NUP214: variants seen among roughly 807,000 people sequenced by gnomAD.
The protein encoded by NUP214 is nucleoporin 214.
Under a neutral mutation model 196.2 loss-of-function variants are expected in NUP214, and 79 were observed. That is an observed-to-expected ratio of 0.40 (90% CI 0.34 to 0.49). NUP214 has a LOEUF of 0.49. NUP214 is among the 20% of genes least tolerant of loss of function. The pLI is 0.58. For synonymous variants in NUP214, 1,020 were observed against 990.5 expected, an observed-to-expected ratio of 1.03 and a Z score of -0.56; for missense variants, 2,468 against 2,539.0, an observed-to-expected ratio of 0.97 and a Z score of 0.60.
intron 4 of NUP214, among the ~76,000 whole-genome samples, chr9:131,129,825 A>C (rs1831476432): frequency 6.6e-6 from 1 of 151,920 alleles, no homozygotes; most frequent in Non-Finnish European, 1.5e-5. Flanking sequence ...GCTGGTCTTG[A>C]ACTCCTGACC....
Position 131,174,337 on chromosome 9 carries a change from A to C in NUP214, c.3157+19A>C, listed in dbSNP as rs746318673. 47 of 1,601,872 alleles carry C rather than the reference A, an allele frequency of 2.9e-5. No individual in the cohort carries two copies. Among genetic ancestry groups the C allele is most frequent in the Middle Eastern group, 1.7e-4 (1 of 6,036 alleles). ...ACTTCAGGTAAGTAAACAGTGGGAA[A>C]GGAAACTGTTTTTCCCTATGATGTT... On this transcript the variant is annotated intron_variant, in intron 22 of 35. Transcript: ENST00000359428.
intron 30 of NUP214, among the ~76,000 whole-genome samples, chr9:131,209,373 C>T (rs558280030): frequency 6.6e-6 from 1 of 152,226 alleles, no homozygotes; most frequent in East Asian, 1.9e-4. Context: ...AAAGTGAGAA[C>T]CCTGTCTCAG....
At chr9:131,199,457 T>C (rs1833887038) in intron 29 of NUP214, among the ~76,000 whole-genome samples, 1 of 152,214 alleles carries the variant, frequency 6.6e-6, no homozygotes, top group South Asian at 2.1e-4. Flanking sequence ...AGTGTCATCA[T>C]AGTCCACCGC....
intron 7 of NUP214, among the ~76,000 whole-genome samples, chr9:131,133,437 T>G (rs1369406688): frequency 1.3e-5 from 2 of 151,762 alleles, no homozygotes; most frequent in South Asian, 2.1e-4. Flanking sequence ...TCTGAGTAGC[T>G]GGTACTACAG....
chr9:131,219,240 TTGCAC>T (rs1834488731), intron 31 of NUP214, among the ~76,000 whole-genome samples: 4 of 152,222 alleles, frequency 2.6e-5, no homozygotes, highest in Non-Finnish European at 5.9e-5. Context: ...ACTGCAGAAG[TTGCAC>T]AGCTACTAAG....
At chr9:131,162,542 C>G (rs963349467) in intron 18 of NUP214, among the ~76,000 whole-genome samples, 2 of 152,136 alleles carry the variant, frequency 1.3e-5, no homozygotes, top group African/African-American at 4.8e-5. Flanking sequence ...CTTATGCTGT[C>G]CCCCTATTTC....
intron 21 of NUP214, among the ~76,000 whole-genome samples, chr9:131,170,854 G>A (rs1210596655): frequency 3.3e-5 from 5 of 151,780 alleles, no homozygotes; most frequent in East Asian, 3.9e-4. Context: ...AGAACCTCCA[G>A]TGCAGCGTAA....
intron 13 of NUP214, 44 bp from the exon 14 acceptor site, chr9:131,147,446 G>A: frequency 6.7e-6 from 9 of 1,344,832 alleles, no homozygotes; most frequent in Non-Finnish European, 9.5e-6. Context: ...GAGAAATAAA[G>A]GTAATAAATG....
At chr9:131,175,307 T>C (rs1235864079) in intron 22 of NUP214, among the ~76,000 whole-genome samples, 153 bp from the exon 23 acceptor site, 2 of 152,222 alleles carry the variant, frequency 1.3e-5, no homozygotes, top group African/African-American at 4.8e-5. Context: ...CTGAAAGATA[T>C]AGATGCCAGC....
At chr9:131,153,737 G>T (rs146241449) in intron 17 of NUP214, among the ~76,000 whole-genome samples, 52 of 152,298 alleles carry the variant, frequency 3.4e-4, no homozygotes, top group African/African-American at 1.2e-3. Context: ...AACTGCCCAG[G>T]TTTTACCACT....
At chr9:131,212,741 T>A (rs1482076448) in intron 30 of NUP214, among the ~76,000 whole-genome samples, 1 of 152,208 alleles carries the variant, frequency 6.6e-6, no homozygotes, top group East Asian at 1.9e-4. Context: ...TATTAAGGCA[T>A]TATTGTTAAA....
chr9:131,147,634 C>G (rs1318847083), intron 14 of NUP214, 50 bp downstream of exon 14: 9 of 1,265,240 alleles, frequency 7.1e-6, no homozygotes, highest in Non-Finnish European at 1.0e-5. Flanking sequence ...TTTACTGCCC[C>G]AAGCATACCT....
chr9:131,232,240 C>T lies in NUP214; in HGVS notation c.6215-44C>T, dbSNP rs369733312. ...TAGCATGGGGACCACCTTTGTCTTT[C>T]GAGTGGATGCGTGCTTTAACTTCAC... On this transcript the variant is annotated intron_variant, in intron 34 of 35. Coordinates refer to ENST00000359428, the MANE Select transcript of NUP214 (RefSeq NM_005085.4). The surrounding 1 kb of genome is among the most constrained non-coding windows in gnomAD (Gnocchi z 5.1). 14 of 1,612,570 alleles carry T rather than the reference C, an allele frequency of 8.7e-6. No individual in the cohort carries two copies. The highest frequency in any genetic ancestry group is 8.0e-5 in the African/African-American group (6 of 74,890).
rs778241587 is a variant in NUP214 at position 131,140,718 on chromosome 9, C to T, written c.1294+8C>T. On this transcript the variant is annotated splice_region_variant and intron_variant, in intron 11 of 35. Coordinates refer to ENST00000359428, the MANE Select transcript of NUP214 (RefSeq NM_005085.4). ...GACAGCCCAAGTCACCAGGTATGTG[C>T]CTCTGCCTGCTTTATCAGTAAGGGA... 8 of 1,609,246 alleles carry T rather than the reference C, an allele frequency of 5.0e-6. No homozygotes were observed. The highest frequency in any genetic ancestry group is 5.9e-6 in the Non-Finnish European group (7 of 1,178,306).
At chr9:131,196,038 CCG>C (rs1159134564) in intron 28 of NUP214, among the ~76,000 whole-genome samples, 717 of 36,142 alleles carry the variant, frequency 0.02, 304 homozygotes, top group Non-Finnish European at 0.057. Flanking sequence ...CCCCCCCCCC[CCG>C]CGCCAAAAAA....
intron 2 of NUP214, among the ~76,000 whole-genome samples, 184 bp from the exon 3 acceptor site, chr9:131,128,147 TC>T (rs947949929): frequency 1.3e-5 from 2 of 152,208 alleles, no homozygotes; most frequent in Non-Finnish European, 2.9e-5. Flanking sequence ...GAGGAAGAAT[TC>T]CAGGGATACT....
At chr9:131,169,302 C>T (rs1832887477) in intron 21 of NUP214, among the ~76,000 whole-genome samples, 1 of 151,854 alleles carries the variant, frequency 6.6e-6, no homozygotes, top group South Asian at 2.1e-4. Flanking sequence ...CCAAAGTGCT[C>T]GGATTACAGG....
chr9:131,129,575 G>GT (rs139582785), intron 4 of NUP214, 98 bp downstream of exon 4: 39,672 of 971,734 alleles, frequency 0.041, 62 homozygotes, highest in African/African-American at 0.07. Context: ...TTGTGTTTTG[G>GT]TTTTTTTTTT....
chr9:131,159,589 G>C, intron 18 of NUP214, 103 bp downstream of exon 18: 1 of 964,500 alleles, frequency 1.0e-6, no homozygotes, highest in Non-Finnish European at 1.6e-6. Context: ...CGGGTGCGGT[G>C]GCTCACGCCT....
Sources: gnomAD v4.1 joint callset for allele counts (sites outside exome capture counted in the v4.1 genomes callset) on GRCh38, gnomAD v4.1.1 for gene constraint, Gnocchi (gnomAD v3.1) non-coding constraint, MANE v1.5 for transcripts, NCBI Gene and HGNC (gene_info 2026-07-23, HGNC 2026-07-21) for gene names.